The following BICD1 variants were observed in gnomAD, a reference collection of about 807,000 sequenced individuals.
The protein encoded by BICD1 is protein bicaudal D homolog 1.
Under a neutral mutation model 92.5 loss-of-function variants are expected in BICD1, and 35 were observed. That is an observed-to-expected ratio of 0.38 (90% CI 0.29 to 0.50). The LOEUF (loss-of-function observed/expected upper bound fraction) is 0.50, where lower values mean the gene tolerates loss of function less well. Ranked by LOEUF, BICD1 falls within the 20% of genes least tolerant of loss-of-function variation. The pLI is 0.93. For synonymous variants in BICD1, 429 were observed against 465.1 expected (o/e 0.92, Z 1.00); for missense variants, 950 against 1,189.8 (o/e 0.80, Z 2.97).
chr12:32,136,062 G>A (rs1384267577), intron 1 of BICD1, among the ~76,000 whole-genome samples: 2 of 152,182 alleles, frequency 1.3e-5, no homozygotes, highest in Non-Finnish European at 2.9e-5. Flanking sequence ...TTTGTCCAAA[G>A]TACACATTCT....
chr12:32,120,116 T>C (rs1942089310), intron 1 of BICD1, among the ~76,000 whole-genome samples: 1 of 145,534 alleles, frequency 6.9e-6, no homozygotes, highest in South Asian at 2.1e-4. Flanking sequence ...TTGTGTCTAT[T>C]TATTTTATTC....
chr12:32,374,628 C>T (rs1186217043), intron 9 of BICD1, among the ~76,000 whole-genome samples: 1 of 142,752 alleles, frequency 7.0e-6, no homozygotes, highest in African/African-American at 2.6e-5. Flanking sequence ...AGTGCAATGG[C>T]GTGATCTCAG....
Position 32,327,508 on chromosome 12 carries a change from G to C in BICD1, c.1053G>C (p.Gln351His). The C allele has an allele frequency of 6.2e-7, 1 of 1,612,934 alleles. No individual in the cohort carries two copies. The highest frequency in any genetic ancestry group is 8.5e-7 in the Non-Finnish European group (1 of 1,179,346). Residue 351 changes from glutamine (Q) to histidine (H), a missense_variant, in exon 5 of 10, where the codon CAG becomes CAC. Gln to His is a conservative substitution (Grantham distance 24). Transcript: ENST00000652176. Reference protein sequence around the residue: ...AILLANLQESQTQLEHTKGAL... With the variant: ...AILLANLQESHTQLEHTKGAL... The stretch of plus-strand genomic sequence containing the variant: ...TTTTGGCCAACCTACAGGAGTCACA[G>C]ACACAGCTGGAACACACCAAGGGGG...
rs976982872 is a variant in BICD1, at chr12:32,107,011, C to T, written c.-321C>T. On this transcript the variant is annotated 5_prime_UTR_variant, in exon 1 of 10. Transcript: ENST00000652176. The stretch of plus-strand genomic sequence containing the variant: ...AGCAGAATCCGGAGCCCCTCGCTAC[C>T]CGCGGCCGCCGCAGCCCGGGCCATG... 2 of 309,134 alleles carry T rather than the reference C, an allele frequency of 6.5e-6. No individual in the cohort carries two copies. Among genetic ancestry groups the T allele is most frequent in the Admixed American group, 9.6e-5 (2 of 20,826 alleles). 19.1% of individuals were successfully genotyped at this position (309,134 alleles called of 1,614,324 possible).
intron 1 of BICD1, among the ~76,000 whole-genome samples, chr12:32,131,442 T>A (rs1462195233): frequency 6.6e-6 from 1 of 152,206 alleles, no homozygotes; most frequent in Non-Finnish European, 1.5e-5. Flanking sequence ...ACCATAGCTT[T>A]ACTGGTCAGT....
Position 32,211,704 on chromosome 12 carries a change from GAAAA to G in BICD1, c.214-4532_214-4529del, listed in dbSNP as rs11326117. Among the ~76,000 whole-genome samples the G allele has an allele frequency of 1.9e-4, 27 of 139,606 alleles. 1 individual carries two copies. The South Asian group carries it at 6.1e-3, about 31-fold the overall frequency. 91.6% of individuals were successfully genotyped at this position (139,606 alleles called of 152,430 possible). ...TACATAGAAATGGGGAAACAGTTGT[GAAAA>G]AAAAAAAAAAGCCAGCTGGGGTTCT... is the stretch of plus-strand genomic sequence containing the variant. On this transcript the variant is annotated intron_variant, in intron 1 of 9. Transcript: ENST00000652176.
At chr12:32,110,480 G>C (rs1565520120) in intron 1 of BICD1, among the ~76,000 whole-genome samples, 1 of 152,150 alleles carries the variant, frequency 6.6e-6, no homozygotes, top group Non-Finnish European at 1.5e-5. Context: ...CAGCTGGACA[G>C]AGCAGTATGT....
chr12:32,219,566 C>T (rs1260342011), intron 2 of BICD1, among the ~76,000 whole-genome samples: 1 of 152,016 alleles, frequency 6.6e-6, no homozygotes, highest in Non-Finnish European at 1.5e-5. Context: ...GACGATATGA[C>T]TCATTATGTA....
At chr12:32,152,009 T>C (rs1943302498) in intron 1 of BICD1, among the ~76,000 whole-genome samples, 1 of 152,068 alleles carries the variant, frequency 6.6e-6, no homozygotes, top group Non-Finnish European at 1.5e-5. Flanking sequence ...CAGGCTGGAG[T>C]GTAGTGGCGC....
chr12:32,213,523 G>A (rs1223389243), intron 1 of BICD1, among the ~76,000 whole-genome samples: 1 of 152,150 alleles, frequency 6.6e-6, no homozygotes, highest in Non-Finnish European at 1.5e-5. Flanking sequence ...AGCCTCCCGT[G>A]TAGCTGGGAC....
At chr12:32,114,193 GAGA>G (rs1247116910) in intron 1 of BICD1, among the ~76,000 whole-genome samples, 4 of 151,964 alleles carry the variant, frequency 2.6e-5, no homozygotes, top group Non-Finnish European at 5.9e-5. Flanking sequence ...TTTTAGTAGA[GAGA>G]AGATTTCAAA....
Position 32,108,301 on chromosome 12 carries a change from A to G in BICD1, c.213+757A>G, listed in dbSNP as rs1021678587. On this transcript the variant is annotated intron_variant, in intron 1 of 9. Coordinates refer to ENST00000652176, the MANE Select transcript of BICD1 (RefSeq NM_001714.4). ...CTCTTCTGGTTGAAATGATATATTT[A>G]TAAAACCAGAATATCAAAAATGGGT... is the stretch of plus-strand genomic sequence containing the variant. The G allele has an allele frequency of 5.6e-5, 11 of 194,998 alleles. No homozygotes were observed. The South Asian group carries it at 9.2e-4, about 16-fold the overall frequency. The allele number at this position is 194,998 out of a possible 1,614,324, so 12.1% of individuals were successfully genotyped here.
chr12:32,343,115 C>CTCA (rs1392501266), intron 8 of BICD1, among the ~76,000 whole-genome samples: 1 of 152,166 alleles, frequency 6.6e-6, no homozygotes, highest in Non-Finnish European at 1.5e-5. Context: ...CTTCCACATG[C>CTCA]TCATCTTAGT....
chr12:32,315,926 G>A lies in BICD1; in HGVS notation c.1005+9804G>A, dbSNP rs1402553732. On this transcript the variant is annotated intron_variant, in intron 4 of 9. Transcript: ENST00000652176. Reference sequence around the variant, plus strand: ...TGAGATGCGTGGATCATCTGAGGTCGGGAGTTCGAGACCAGCCTGACCAAC... The same window carrying A: ...TGAGATGCGTGGATCATCTGAGGTCAGGAGTTCGAGACCAGCCTGACCAAC... Among the ~76,000 whole-genome samples the A allele has an allele frequency of 5.9e-5, 9 of 151,892 alleles. No homozygotes were observed. The East Asian group carries it at 1.2e-3, about 20-fold the overall frequency.
At chr12:32,260,028 G>A (rs1316438866) in intron 2 of BICD1, among the ~76,000 whole-genome samples, 2 of 151,464 alleles carry the variant, frequency 1.3e-5, no homozygotes, top group East Asian at 3.9e-4. Context: ...GGGTTCAAGT[G>A]ATTCTCCTGC....
intron 2 of BICD1, among the ~76,000 whole-genome samples, chr12:32,219,614 ATC>A (rs2121560046): frequency 6.6e-6 from 1 of 152,034 alleles, no homozygotes; most frequent in South Asian, 2.1e-4. Flanking sequence ...TGAGATAAAT[ATC>A]TCTGAATTTA....
chr12:32,263,906 T>A (rs1946924430), intron 2 of BICD1, among the ~76,000 whole-genome samples: 2 of 152,230 alleles, frequency 1.3e-5, no homozygotes, highest in Admixed American at 1.3e-4. Flanking sequence ...AAATGCTTGA[T>A]GAGTAGTAGT....
chr12:32,253,490 CT>C (rs551129231), intron 2 of BICD1, among the ~76,000 whole-genome samples: 7,805 of 146,088 alleles, frequency 0.053, 227 homozygotes, highest in Middle Eastern at 0.11. Context: ...GCCGTGGATT[CT>C]TTTTTTTTTT....
At chr12:32,203,970 C>T (rs1410226696) in intron 1 of BICD1, among the ~76,000 whole-genome samples, 1 of 152,068 alleles carries the variant, frequency 6.6e-6, no homozygotes, top group African/African-American at 2.4e-5. Flanking sequence ...AAGATACTTG[C>T]CATACATGTA....
Sources: gnomAD v4.1 joint callset for allele counts (sites outside exome capture counted in the v4.1 genomes callset) on GRCh38, gnomAD v4.1.1 for gene constraint, MANE v1.5 for transcripts, NCBI Gene and HGNC (gene_info 2026-07-23, HGNC 2026-07-21) for gene names.